Variants in OR2L13 observed in about 807,000 individuals in gnomAD.
The protein encoded by OR2L13 is olfactory receptor 2L13.
A neutral mutation model predicts 15.3 loss-of-function variants in OR2L13; 14 were observed. The ratio of observed to expected loss-of-function variants is 0.91; its 90% confidence interval spans 0.60 to 1.43. OR2L13 has a LOEUF of 1.43. OR2L13 is among the 40% of genes most tolerant of loss of function. The probability of loss-of-function intolerance (pLI) is 0.00; values close to 1 mark genes in which losing one functional copy is unlikely to be tolerated. For synonymous variants in OR2L13, 152 were observed against 142.9 expected (o/e 1.06, Z -0.45); for missense variants, 367 against 387.9 (o/e 0.95, Z 0.45).
the OR2L13 span, among the ~76,000 whole-genome samples, chr1:247,956,881 C>T: frequency 1.3e-5 from 2 of 152,178 alleles, no homozygotes; most frequent in East Asian, 1.9e-4. Context: ...ACAATCATGT[C>T]ATCTGCAAAC....
chr1:248,063,573 A>T, the OR2L13 span, among the ~76,000 whole-genome samples: 1 of 152,206 alleles, frequency 6.6e-6, no homozygotes, highest in Admixed American at 6.5e-5. Context: ...TATTCCATGA[A>T]TACAACAGGG....
the OR2L13 span, among the ~76,000 whole-genome samples, chr1:248,001,482 G>A: frequency 6.6e-6 from 1 of 151,856 alleles, no homozygotes; most frequent in South Asian, 2.1e-4. Context: ...AGCAAGTAAA[G>A]ATGTTTCTTA....
At chr1:248,077,102 T>C in the OR2L13 span, among the ~76,000 whole-genome samples, 1 of 152,250 alleles carries the variant, frequency 6.6e-6, no homozygotes, top group East Asian at 1.9e-4. Flanking sequence ...GAGATAATCA[T>C]GTGGTTTTTG....
the OR2L13 span, among the ~76,000 whole-genome samples, chr1:247,954,199 C>T: frequency 6.6e-6 from 1 of 152,238 alleles, no homozygotes; most frequent in African/African-American, 2.4e-5. Context: ...TAAGTAGCTT[C>T]CTTTTGTAAG....
At chr1:248,006,055 A>C in the OR2L13 span, among the ~76,000 whole-genome samples, 5 of 152,116 alleles carry the variant, frequency 3.3e-5, no homozygotes, top group African/African-American at 1.2e-4. Context: ...TCTGGAGCAG[A>C]GGGAAAATAG....
the OR2L13 span, among the ~76,000 whole-genome samples, chr1:247,999,225 G>A: frequency 6.6e-6 from 1 of 152,200 alleles, no homozygotes; most frequent in South Asian, 2.1e-4. Flanking sequence ...ATTTTAAATG[G>A]AGCCTCTGTC....
the OR2L13 span, chr1:248,062,129 A>G: frequency 6.4e-6 from 1 of 156,164 alleles, no homozygotes; most frequent in East Asian, 1.9e-4. Context: ...AACTCATTAC[A>G]CAGTTTAGCA....
chr1:248,075,678 T>C, the OR2L13 span, among the ~76,000 whole-genome samples: 1 of 152,248 alleles, frequency 6.6e-6, no homozygotes, highest in African/African-American at 2.4e-5. Context: ...TTCATATCCT[T>C]TGCCCAATTT....
At chr1:248,022,586 T>G in the OR2L13 span, 1 of 1,614,206 alleles carries the variant, frequency 6.2e-7, no homozygotes, top group Non-Finnish European at 8.5e-7. Flanking sequence ...TCACTGGCAT[T>G]GCGTGTTCCT....
the OR2L13 span, among the ~76,000 whole-genome samples, chr1:247,958,093 C>T: frequency 6.6e-6 from 1 of 152,086 alleles, no homozygotes; most frequent in Non-Finnish European, 1.5e-5. Context: ...CTATTAATTT[C>T]CCTCTACATA....
At chr1:248,042,872 A>C in the OR2L13 span, among the ~76,000 whole-genome samples, 3 of 152,226 alleles carry the variant, frequency 2.0e-5, no homozygotes, top group African/African-American at 7.2e-5. Context: ...TGATATTATC[A>C]GCTAAGATTC....
chr1:247,996,248 G>T, the OR2L13 span, among the ~76,000 whole-genome samples: 1 of 152,192 alleles, frequency 6.6e-6, no homozygotes, highest in Non-Finnish European at 1.5e-5. Context: ...GGAATGACAG[G>T]CCTGTGCCAC....
chr1:247,995,047 T>A, the OR2L13 span, among the ~76,000 whole-genome samples: 1 of 152,184 alleles, frequency 6.6e-6, no homozygotes, highest in Non-Finnish European at 1.5e-5. Flanking sequence ...TCTCTTCATG[T>A]TAAATTGAAT....
At chr1:247,959,226 T>G in the OR2L13 span, among the ~76,000 whole-genome samples, 2 of 152,178 alleles carry the variant, frequency 1.3e-5, no homozygotes, top group Non-Finnish European at 2.9e-5. Context: ...GGATATGAAA[T>G]TCTGGGTTGA....
At chr1:248,071,691 C>G in the OR2L13 span, among the ~76,000 whole-genome samples, 6 of 151,250 alleles carry the variant, frequency 4.0e-5, no homozygotes, top group Non-Finnish European at 8.9e-5. Flanking sequence ...CAAATTGTCC[C>G]TGTTTGCAGA....
chr1:248,002,597 G>A, the OR2L13 span, among the ~76,000 whole-genome samples: 2 of 152,170 alleles, frequency 1.3e-5, no homozygotes, highest in South Asian at 2.1e-4. Context: ...AGTGGCTCAC[G>A]CCTGTAATCC....
chr1:247,981,892 A>G, the OR2L13 span, among the ~76,000 whole-genome samples: 1 of 150,688 alleles, frequency 6.6e-6, no homozygotes, highest in Non-Finnish European at 1.5e-5. Flanking sequence ...CTCAGCTCAC[A>G]GCAAGCTCCG....
chr1:248,045,429 C>T, the OR2L13 span, among the ~76,000 whole-genome samples: 3 of 152,140 alleles, frequency 2.0e-5, no homozygotes, highest in African/African-American at 7.2e-5. Context: ...GCATACTTGA[C>T]CCTCGTGGGT....
At chr1:248,020,776 T>A in the OR2L13 span, among the ~76,000 whole-genome samples, 2,623 of 151,988 alleles carry the variant, frequency 0.017, 58 homozygotes, top group African/African-American at 0.059. Context: ...TTTATATAAC[T>A]TTCATTTATT....
Sources: allele counts gnomAD v4.1 joint callset (sites outside exome capture counted in the v4.1 genomes callset), GRCh38; gene constraint gnomAD v4.1.1; transcripts MANE v1.5; gene names NCBI Gene and HGNC (gene_info 2026-07-23, HGNC 2026-07-21).